Variants in MGRN1 observed in about 807,000 individuals in gnomAD.
MGRN1 encodes E3 ubiquitin-protein ligase MGRN1.
Under a neutral mutation model 69.2 loss-of-function variants are expected in MGRN1, and 29 were observed. That is an observed-to-expected ratio of 0.42 (90% CI 0.31 to 0.57). MGRN1 has a LOEUF of 0.57. Among genes scored for constraint, MGRN1 ranks in the 20% least tolerant of loss-of-function variants. The pLI is 0.15. For missense variants in MGRN1, 998 were observed against 796.2 expected (o/e 1.25, Z -3.05); for synonymous variants, 470 against 344.2 (o/e 1.37, Z -4.04).
Position 4,664,345 on chromosome 16 carries a change from C to T in MGRN1, c.562-364C>T, listed in dbSNP as rs142698484. Reference sequence around the variant, plus strand: ...GAGACAGGAAGCACATGGTGGCTGCCGGGGGCTGGAGGAGGGGATGGGGAG... The same window carrying T: ...GAGACAGGAAGCACATGGTGGCTGCTGGGGGCTGGAGGAGGGGATGGGGAG... On this transcript the variant is annotated intron_variant, in intron 5 of 16. Transcript: ENST00000262370. The T allele has an allele frequency of 7.0e-4, 219 of 315,012 alleles. 2 individuals are homozygous for T. Among genetic ancestry groups the T allele is most frequent in the African/African-American group, 4.1e-3 (191 of 46,952 alleles). The allele number at this position is 315,012 out of a possible 1,614,324, so 19.5% of individuals were successfully genotyped here. A position where few individuals can be genotyped will look rare whatever the true frequency, so the allele number is the denominator to read the frequency against.
In MGRN1 at chr16:4,664,745, G is replaced by C. The variant is rs986991314; in HGVS notation, c.598G>C (p.Val200Leu). 1 of 1,614,222 alleles carries C rather than the reference G, an allele frequency of 6.2e-7. No homozygotes were observed. The highest frequency in any genetic ancestry group is 1.1e-5 in the South Asian group (1 of 91,090). The change falls in exon 6 of 17, where the codon GTC becomes CTC. Residue 200 changes from valine (V) to leucine (L), a missense_variant. Physicochemically the swap from Val to Leu is conservative, Grantham distance 32 (BLOSUM62 1). Coordinates refer to ENST00000262370, the MANE Select transcript of MGRN1 (RefSeq NM_015246.4). ...CCTGGACCGGGGCGTGTTTCCAGTA[G>C]TCATCCAGGCTGTGGTGGACGAAGG... ...FDLDRGVFPV[V>L]IQAVVDEGDV...
At chr16:4,642,466 TTGTGTGTGTGTGTGTGTGTG>T (rs143119735) in intron 1 of MGRN1, among the ~76,000 whole-genome samples, 1 of 141,732 alleles carries the variant, frequency 7.1e-6, no homozygotes. Flanking sequence ...GCCAGCTAAT[TTGTGTGTGTGTGTGTGTGTG>T]TGTGTGTGTG....
Position 4,657,266 on chromosome 16 carries a change from C to T in MGRN1, c.464C>T (p.Ser155Leu), listed in dbSNP as rs201648809. Residue 155 changes from serine to leucine, a missense_variant, in exon 5 of 17, where the codon TCG (serine) becomes TTG (leucine). By Grantham distance (145) the Ser-to-Leu change is moderately radical. Transcript: ENST00000262370. ...GRAVYSPKSPSLQSETVHYKR... is the reference protein window; with the variant it reads ...GRAVYSPKSPLLQSETVHYKR... ...TGCAGATACAGCCCCAAGAGCCCCT[C>T]GCTACAGTCCGAGACCGTCCACTAC... The T allele has an allele frequency of 2.5e-4, 411 of 1,614,042 alleles. 7 individuals are homozygous for T. In the South Asian group the frequency reaches 3.8e-3, roughly 15 times the overall value.
intron 5 of MGRN1, among the ~76,000 whole-genome samples, chr16:4,659,854 A>G (rs997309790): frequency 8.5e-5 from 13 of 152,320 alleles, no homozygotes; most frequent in South Asian, 4.1e-4. Flanking sequence ...CTGTGTCATC[A>G]GGGTGGGGAT....
At chr16:4,657,162 C>T in intron 4 of MGRN1, 84 bp from the exon 5 acceptor site, 1 of 1,331,938 alleles carries the variant, frequency 7.5e-7, no homozygotes, top group African/African-American at 1.4e-5. Context: ...GTCTGCGGCC[C>T]TTCCAGCTGT....
rs2079412088 is a variant in MGRN1 at position 4,689,619 on chromosome 16, T to G, written c.*711T>G. The G allele has an allele frequency of 6.6e-6, 1 of 152,242 alleles. No individual in the cohort carries two copies. Among genetic ancestry groups the G allele is most frequent in the African/African-American group, 2.4e-5 (1 of 41,448 alleles). 9.4% of individuals were successfully genotyped at this position (152,242 alleles called of 1,614,324 possible). A position where few individuals can be genotyped will look rare whatever the true frequency, so the allele number is the denominator to read the frequency against. On this transcript the variant is annotated 3_prime_UTR_variant, in exon 17 of 17. Coordinates refer to ENST00000262370, the MANE Select transcript of MGRN1 (RefSeq NM_015246.4). The stretch of plus-strand genomic sequence containing the variant: ...GCATTCAGTGGCCTTGTCACCAAGC[T>G]CCACACCTCCTCCTGGTGCTGGCTT...
intron 4 of MGRN1, among the ~76,000 whole-genome samples, chr16:4,653,715 C>T (rs538329648): frequency 8.0e-4 from 121 of 151,936 alleles, no homozygotes; most frequent in African/African-American, 2.7e-3. Context: ...GTCTCAATCT[C>T]TTGACCTCAT....
chr16:4,642,377 A>C (rs930749197), intron 1 of MGRN1, among the ~76,000 whole-genome samples: 4 of 151,830 alleles, frequency 2.6e-5, no homozygotes, highest in Non-Finnish European at 4.4e-5. Context: ...CGCTCACGGT[A>C]ACCTTCGTCT....
chr16:4,652,554 C>G (rs2078432477), intron 3 of MGRN1, 124 bp from the exon 4 acceptor site: 2 of 1,270,334 alleles, frequency 1.6e-6, no homozygotes, highest in Admixed American at 2.8e-5. Context: ...GCCCCTATGT[C>G]TACTGGAGAA....
intron 5 of MGRN1, among the ~76,000 whole-genome samples, chr16:4,657,815 G>C (rs903250771): frequency 7.2e-6 from 1 of 138,120 alleles, no homozygotes; most frequent in South Asian, 2.4e-4. Flanking sequence ...GCGCGATCTC[G>C]GATCACTACA....
chr16:4,664,617 T>C (rs1427150645), intron 5 of MGRN1, 92 bp from the exon 6 acceptor site: 3 of 1,351,188 alleles, frequency 2.2e-6, no homozygotes, highest in Admixed American at 1.7e-5. Flanking sequence ...CTCCTGCTCC[T>C]GCCTGCTTTG....
At chr16:4,668,207 G>A (rs2078848708) in intron 7 of MGRN1, 58 bp from the exon 8 acceptor site, 1 of 1,562,758 alleles carries the variant, frequency 6.4e-7, no homozygotes, top group African/African-American at 1.4e-5. Flanking sequence ...CGGCCACGCA[G>A]GGGTGCTCAG....
At chr16:4,664,514 G>C (rs974112611) in intron 5 of MGRN1, 195 bp from the exon 6 acceptor site, 7 of 607,648 alleles carry the variant, frequency 1.2e-5, no homozygotes, top group Non-Finnish European at 1.8e-5. Context: ...ATTTTGTGTT[G>C]TATCTGTTTT....
rs937575681 is a variant in MGRN1, at chr16:4,683,970, CCTGT to C, written c.1618+41_1618+44del. 4.6e-6 allele frequency: 7 copies of C among 1,510,646 alleles called. No individual in the cohort carries two copies. The African/African-American group carries it at 6.9e-5, about 15-fold the overall frequency. 93.6% of individuals were successfully genotyped at this position (1,510,646 alleles called of 1,614,324 possible). The stretch of plus-strand genomic sequence containing the variant: ...GGGTCTGGGGGTGAGGGGCTGGGTG[CCTGT>C]CTTAGTCCCCAGGGAGGGGGCCCTG... On this transcript the variant is annotated intron_variant, in intron 16 of 16. Transcript: ENST00000262370.
intron 15 of MGRN1, 65 bp from the exon 16 acceptor site, chr16:4,683,778 C>T (rs1223041166): frequency 1.4e-6 from 2 of 1,454,604 alleles, no homozygotes; most frequent in Non-Finnish European, 9.5e-7. Context: ...CGGCCTCCTG[C>T]CCAGAGGGAC....
chr16:4,686,388 C>T lies in MGRN1; in HGVS notation c.1619-2408C>T, dbSNP rs2079319838. The T allele has an allele frequency of 2.7e-6, 4 of 1,501,332 alleles. No individual in the cohort carries two copies. The Admixed American group carries it at 9.1e-5, about 34-fold the overall frequency. The allele number at this position is 1,501,332 out of a possible 1,614,324, so 93.0% of individuals were successfully genotyped here. A position where few individuals can be genotyped will look rare whatever the true frequency, so the allele number is the denominator to read the frequency against. ...CCTCCCCTGCTCTCTGGCGGGGGTT[C>T]CTTCTGGTTTTTGGGTCTTCGTCCG... On this transcript the variant is annotated intron_variant, in intron 16 of 16. Coordinates refer to ENST00000262370, the MANE Select transcript of MGRN1 (RefSeq NM_015246.4).
At chr16:4,687,771 C>G in intron 16 of MGRN1, 2 of 985,472 alleles carry the variant, frequency 2.0e-6, no homozygotes, top group Non-Finnish European at 2.4e-6. Context: ...GGGGTGCAGG[C>G]TCTAAGAGGC....
At chr16:4,627,777 G>A (rs1303548290) in intron 1 of MGRN1, among the ~76,000 whole-genome samples, 4 of 145,710 alleles carry the variant, frequency 2.7e-5, no homozygotes, top group South Asian at 2.2e-4. Context: ...GTGACAGAGC[G>A]AGACTCCGTC....
intron 5 of MGRN1, among the ~76,000 whole-genome samples, chr16:4,662,833 G>A (rs917738177): frequency 6.6e-6 from 1 of 152,202 alleles, no homozygotes; most frequent in Admixed American, 6.5e-5. Flanking sequence ...TGCTGTTCAG[G>A]GGCGGGTGCT....
Sources: allele counts gnomAD v4.1 joint callset (sites outside exome capture counted in the v4.1 genomes callset), GRCh38; gene constraint gnomAD v4.1.1; transcripts MANE v1.5; gene names NCBI Gene and HGNC (gene_info 2026-07-23, HGNC 2026-07-21).